PRKN: variants seen among roughly 807,000 people sequenced by gnomAD.
PRKN encodes E3 ubiquitin-protein ligase parkin.
A neutral mutation model predicts 59.5 loss-of-function variants in PRKN; 56 were observed. That is an observed-to-expected ratio of 0.94 (90% confidence interval 0.76 to 1.18). PRKN has a LOEUF of 1.18. PRKN is among the 50% of genes most tolerant of loss of function. PRKN has a pLI of 0.00. For synonymous variants in PRKN, 250 were observed against 222.1 expected (o/e 1.13, Z -1.12); for missense variants, 657 against 596.4 (o/e 1.10, Z -1.06).
At chr6:162,459,694 GACT>G (rs1203564857) in intron 1 of PRKN, among the ~76,000 whole-genome samples, 3 of 152,152 alleles carry the variant, frequency 2.0e-5, no homozygotes, top group Admixed American at 6.5e-5. Context: ...TGAAATGTCT[GACT>G]ACATGTAAAA....
At chr6:161,558,320 G>C (rs1006257261) in intron 8 of PRKN, among the ~76,000 whole-genome samples, 1 of 152,084 alleles carries the variant, frequency 6.6e-6, no homozygotes, top group South Asian at 2.1e-4. Flanking sequence ...CAAGCACTTT[G>C]GGAGGCTGAC....
Position 161,391,166 on chromosome 6 carries a change from T to G in PRKN, c.1084-4289A>C, listed in dbSNP as rs1786487848. 1.3e-5 allele frequency among the ~76,000 whole-genome samples: 2 copies of G among 152,254 alleles called. No individual in the cohort carries two copies. Among genetic ancestry groups the G allele is most frequent in the Admixed American group, 1.3e-4 (2 of 15,300 alleles). ...TTCACATCCATTCTGCTGAGCTGCA[T>G]GTCTCATATCTGGGGCGCCTGGATC... On this transcript the variant is annotated intron_variant, in intron 9 of 11. Coordinates refer to ENST00000366898, the MANE Select transcript of PRKN (RefSeq NM_004562.3). The surrounding 1 kb of genome is among the most constrained non-coding windows in gnomAD (Gnocchi z 4.9).
At chr6:161,968,132 T>C (rs1167578167) in intron 6 of PRKN, among the ~76,000 whole-genome samples, 2 of 151,574 alleles carry the variant, frequency 1.3e-5, no homozygotes, top group Non-Finnish European at 2.9e-5. Context: ...GCGATTATCC[T>C]GCCTCAGCCT....
intron 1 of PRKN, among the ~76,000 whole-genome samples, chr6:162,610,262 G>A (rs1366712142): frequency 6.6e-6 from 1 of 152,314 alleles, no homozygotes; most frequent in East Asian, 1.9e-4. Context: ...CACACAGTTG[G>A]TTAGTGGTAG....
intron 7 of PRKN, among the ~76,000 whole-genome samples, chr6:161,670,706 C>T (rs1194138016): frequency 6.6e-6 from 1 of 152,064 alleles, no homozygotes; most frequent in African/African-American, 2.4e-5. Context: ...GTCCCAGCTA[C>T]TCGGGAGGCT....
At position 161,524,558 on chromosome 6, in the gene PRKN, C is replaced by A. The variant is rs184925657; in HGVS notation, c.1083+24296G>T. On this transcript the variant is annotated intron_variant, in intron 9 of 11. Transcript: ENST00000366898. ...AGAAACGGGGCCTCACTATGCTGCC[C>A]AGGCTCAAAACTATCTTTAGACTCA... Among the ~76,000 whole-genome samples, 46 of 152,118 alleles carry A rather than the reference C, an allele frequency of 3.0e-4. No individual in the cohort carries two copies. In the East Asian group the frequency reaches 8.5e-3, roughly 28 times the overall value.
intron 7 of PRKN, among the ~76,000 whole-genome samples, chr6:161,753,228 A>G (rs1788768517): frequency 6.6e-6 from 1 of 152,160 alleles, no homozygotes; most frequent in Admixed American, 6.5e-5. Flanking sequence ...TCTGGGAGTG[A>G]GAAGTCTGGT....
At chr6:162,201,090 C>G (rs767064287) in intron 4 of PRKN, 41 bp downstream of exon 4, 12 of 1,609,850 alleles carry the variant, frequency 7.5e-6, no homozygotes, top group Non-Finnish European at 1.0e-5. Context: ...AGTACACATT[C>G]ATTTTCCTGG....
intron 7 of PRKN, among the ~76,000 whole-genome samples, chr6:161,747,363 A>G (rs931936991): frequency 6.6e-6 from 1 of 152,096 alleles, no homozygotes; most frequent in Non-Finnish European, 1.5e-5. Flanking sequence ...TCCTGAATTC[A>G]CATAAACCAA....
intron 7 of PRKN, among the ~76,000 whole-genome samples, chr6:161,669,475 C>T (rs1784834480): frequency 6.6e-6 from 1 of 152,184 alleles, no homozygotes; most frequent in African/African-American, 2.4e-5. Flanking sequence ...ATGACCATCC[C>T]TTGGGTTTCA....
chr6:161,808,752 A>T (rs995221629), intron 6 of PRKN, among the ~76,000 whole-genome samples: 2 of 152,166 alleles, frequency 1.3e-5, no homozygotes, highest in African/African-American at 4.8e-5. Flanking sequence ...AAGGTGCCAT[A>T]GTCATATGAC....
chr6:162,623,126 T>C (rs536429509), intron 1 of PRKN, among the ~76,000 whole-genome samples: 2 of 152,384 alleles, frequency 1.3e-5, no homozygotes, highest in East Asian at 1.9e-4. Context: ...CCTCTTTTTT[T>C]TGGATCTTGT....
chr6:161,366,505 T>C (rs1785205642), intron 10 of PRKN, among the ~76,000 whole-genome samples: 1 of 152,216 alleles, frequency 6.6e-6, no homozygotes, highest in Non-Finnish European at 1.5e-5. Context: ...TTAATACTGT[T>C]AAAGCAAACT....
At chr6:161,858,507 TA>T (rs1473976886) in intron 6 of PRKN, among the ~76,000 whole-genome samples, 1 of 152,170 alleles carries the variant, frequency 6.6e-6, no homozygotes, top group Non-Finnish European at 1.5e-5. Context: ...TGATGTGCTA[TA>T]AACAGCCCTA....
chr6:161,390,846 A>ATT lies in PRKN; in HGVS notation c.1084-3971_1084-3970dup, dbSNP rs1421378894. ...CTAATTTTTCCTTCCATTTGTGTGA[A>ATT]TTATCATTTCAGATAACTATTAAGT... On this transcript the variant is annotated intron_variant, in intron 9 of 11. Coordinates refer to ENST00000366898, the MANE Select transcript of PRKN (RefSeq NM_004562.3). The surrounding 1 kb of genome is among the most constrained non-coding windows in gnomAD (Gnocchi z 7.0). Among the ~76,000 whole-genome samples the ATT allele has an allele frequency of 6.6e-6, 1 of 152,138 alleles. No homozygotes were observed. Among genetic ancestry groups the ATT allele is most frequent in the African/African-American group, 2.4e-5 (1 of 41,400 alleles).
chr6:161,641,080 C>T (rs1071891), intron 7 of PRKN, among the ~76,000 whole-genome samples: 107,206 of 152,150 alleles, frequency 0.7, 39,064 homozygotes, highest in African/African-American at 0.86. Flanking sequence ...TGTTCATTCC[C>T]GGGCATAGGA....
chr6:162,365,241 T>C (rs549883572), intron 2 of PRKN, among the ~76,000 whole-genome samples: 1 of 152,284 alleles, frequency 6.6e-6, no homozygotes, highest in East Asian at 1.9e-4. Context: ...TATTTTGATA[T>C]TGTATTTTGT....
intron 5 of PRKN, among the ~76,000 whole-genome samples, chr6:162,038,958 T>C (rs1783953162): frequency 6.6e-6 from 1 of 151,944 alleles, no homozygotes; most frequent in Admixed American, 6.6e-5. Flanking sequence ...ATCGAGACCA[T>C]CCTGGCTAAC....
rs1224693807 is a variant in PRKN at position 161,402,506 on chromosome 6, A to T, written c.1084-15629T>A. Among the ~76,000 whole-genome samples, 1 of 152,148 alleles carries T rather than the reference A, an allele frequency of 6.6e-6. No individual in the cohort carries two copies. The highest frequency in any genetic ancestry group is 2.4e-5 in the African/African-American group (1 of 41,414). ...AATAGCTTTTTGGTCCCATAACATG[A>T]GAGACATTCTGGAAGCTGTGGGGGA... On this transcript the variant is annotated intron_variant, in intron 9 of 11. Coordinates refer to ENST00000366898, the MANE Select transcript of PRKN (RefSeq NM_004562.3). The surrounding 1 kb of genome is among the most constrained non-coding windows in gnomAD (Gnocchi z 4.5).
Sources: allele counts gnomAD v4.1 joint callset (sites outside exome capture counted in the v4.1 genomes callset), GRCh38; gene constraint gnomAD v4.1.1; non-coding constraint Gnocchi (gnomAD v3.1); transcripts MANE v1.5; gene names NCBI Gene and HGNC (gene_info 2026-07-23, HGNC 2026-07-21).